The following ARHGAP5 variants were observed in gnomAD, a reference collection of about 807,000 sequenced individuals.
The protein encoded by ARHGAP5 is Rho GTPase activating protein 5.
A neutral mutation model predicts 116.6 loss-of-function variants in ARHGAP5; 23 were observed. The observed-to-expected ratio is 0.20, with a 90% CI of 0.14 to 0.28. The LOEUF is 0.28. Among genes scored for constraint, ARHGAP5 ranks in the 10% least tolerant of loss-of-function variants. The pLI is 1.00. For synonymous variants in ARHGAP5, 574 were observed against 602.0 expected (o/e 0.95, Z 0.68); for missense variants, 1,405 against 1,774.8 (o/e 0.79, Z 3.74).
At chr14:32,121,771 C>A (rs1203186752) in intron 3 of ARHGAP5, among the ~76,000 whole-genome samples, 2 of 152,298 alleles carry the variant, frequency 1.3e-5, no homozygotes, top group East Asian at 3.9e-4. Flanking sequence ...CTCTCACCCC[C>A]CCATCAACTT....
rs148897080 is a variant in ARHGAP5, at chr14:32,152,444, G to A, written c.4097G>A (p.Arg1366His). ...ACAGAAATCCCGGATAAAACAGAAC[G>A]TCTTCATGCCTTGAAAGAAATTGTT... ...EAAKIPDKTERLHALKEIVKK... is the reference protein window; with the variant it reads ...EAAKIPDKTEHLHALKEIVKK... Residue 1366 changes from arginine to histidine, a missense_variant, in exon 6 of 7, where the codon CGT becomes CAT. By Grantham distance (29) the Arg-to-His change is conservative. Coordinates refer to ENST00000345122, the MANE Select transcript of ARHGAP5 (RefSeq NM_001030055.2). 224 of 1,604,922 alleles carry A rather than the reference G, an allele frequency of 1.4e-4. No individual in the cohort carries two copies. The highest frequency in any genetic ancestry group is 1.8e-4 in the Non-Finnish European group (208 of 1,176,506).
At position 32,137,971 on chromosome 14, in the gene ARHGAP5, C is replaced by CAA. The variant is rs570604721; in HGVS notation, c.3866-8273_3866-8272dup. ...TGGGGACAAGAGTGAGGCTTCGTCT[C>CAA]AAAAAAAAAAAAAAAAAAAATTTCA... On this transcript the variant is annotated intron_variant, in intron 3 of 6. Coordinates refer to ENST00000345122, the MANE Select transcript of ARHGAP5 (RefSeq NM_001030055.2). 4.4e-3 allele frequency among the ~76,000 whole-genome samples: 345 copies of CAA among 79,236 alleles called. 2 individuals are homozygous for CAA. The highest frequency in any genetic ancestry group is 0.019 in the Middle Eastern group (3 of 154). The allele number at this position is 79,236 out of a possible 152,430, so 52.0% of individuals were successfully genotyped here. A position where few individuals can be genotyped will look rare whatever the true frequency, so the allele number is the denominator to read the frequency against.
chr14:32,129,045 G>A (rs925543125), intron 3 of ARHGAP5, among the ~76,000 whole-genome samples: 1 of 152,020 alleles, frequency 6.6e-6, no homozygotes, highest in African/African-American at 2.4e-5. Flanking sequence ...CTGCTTTATT[G>A]TCAGTATACC....
intron 3 of ARHGAP5, among the ~76,000 whole-genome samples, chr14:32,133,617 G>T (rs1019901082): frequency 6.6e-5 from 10 of 152,108 alleles, no homozygotes; most frequent in African/African-American, 2.2e-4. Context: ...TTCCAACTCC[G>T]TGTTGAATAG....
chr14:32,091,938 C>T lies in ARHGAP5; in HGVS notation c.1269C>T (p.Ser423=), dbSNP rs768144061. 3.0e-5 allele frequency: 48 copies of T among 1,613,248 alleles called. No homozygotes were observed. Among genetic ancestry groups the T allele is most frequent in the Middle Eastern group, 1.6e-4 (1 of 6,082 alleles). The change falls in exon 2 of 7, where the codon TCC becomes TCT. Residue 423 remains serine (S), a synonymous_variant. Transcript: ENST00000345122. ...AGAACCATGTACAGCATCTGATATCCGAGAAGAGGAGGGTGGAAATGAAGG... is the reference window on the plus strand; with the variant it reads ...AGAACCATGTACAGCATCTGATATCTGAGAAGAGGAGGGTGGAAATGAAGG... ...VYQNHVQHLI[S]EKRRVEMKEK...
At chr14:32,126,780 G>T (rs1001202436) in intron 3 of ARHGAP5, among the ~76,000 whole-genome samples, 5 of 151,920 alleles carry the variant, frequency 3.3e-5, no homozygotes, top group Admixed American at 2.6e-4. Context: ...TACATGGATT[G>T]ATTTTTCTTT....
intron 2 of ARHGAP5, among the ~76,000 whole-genome samples, chr14:32,113,523 C>G (rs532120258): frequency 6.6e-6 from 1 of 152,282 alleles, no homozygotes; most frequent in South Asian, 2.1e-4. Flanking sequence ...AGCTCTGAAT[C>G]TTGGTGTAAC....
intron 5 of ARHGAP5, among the ~76,000 whole-genome samples, chr14:32,151,616 T>C (rs1327865301): frequency 6.6e-6 from 1 of 152,250 alleles, no homozygotes; most frequent in Non-Finnish European, 1.5e-5. Flanking sequence ...TCAGAAGTTT[T>C]ATTGGAGTAT....
chr14:32,137,219 C>T (rs1184808904), intron 3 of ARHGAP5, among the ~76,000 whole-genome samples: 1 of 149,396 alleles, frequency 6.7e-6, no homozygotes, highest in Non-Finnish European at 1.5e-5. Flanking sequence ...TTTGCTCTTA[C>T]ATTTAGGTCT....
chr14:32,090,640 T>C lies in ARHGAP5; in HGVS notation c.-30T>C. The C allele has an allele frequency of 6.6e-7, 1 of 1,525,876 alleles. No homozygotes were observed. Among genetic ancestry groups the C allele is most frequent in the African/African-American group, 1.4e-5 (1 of 71,636 alleles). The allele number at this position is 1,525,876 out of a possible 1,614,324, so 94.5% of individuals were successfully genotyped here. ...GAATGAGAAGCATATCTGGTTACCT[T>C]TATGAATGTAGAGACATGAGAAGAG... On this transcript the variant is annotated 5_prime_UTR_variant, in exon 2 of 7. Coordinates refer to ENST00000345122, the MANE Select transcript of ARHGAP5 (RefSeq NM_001030055.2).
chr14:32,130,838 A>G (rs1566677444), intron 3 of ARHGAP5, among the ~76,000 whole-genome samples: 1 of 152,230 alleles, frequency 6.6e-6, no homozygotes, highest in African/African-American at 2.4e-5. Flanking sequence ...GCCTGTTTTC[A>G]TTTTCTCACA....
chr14:32,078,348 G>C (rs933702367), intron 1 of ARHGAP5: 1 of 152,178 alleles, frequency 6.6e-6, no homozygotes, highest in African/African-American at 2.4e-5. Context: ...AAAAGTTGTA[G>C]GGGAGACGCT....
At chr14:32,080,924 G>A (rs916841802) in intron 1 of ARHGAP5, among the ~76,000 whole-genome samples, 2 of 152,104 alleles carry the variant, frequency 1.3e-5, no homozygotes, top group Admixed American at 1.3e-4. Context: ...TTGTAATTTT[G>A]TGGTTAAAAT....
Position 32,145,091 on chromosome 14 carries a change from C to T in ARHGAP5, c.3866-1172C>T, listed in dbSNP as rs544023519. Among the ~76,000 whole-genome samples, 18 of 152,288 alleles carry T rather than the reference C, an allele frequency of 1.2e-4. No individual in the cohort carries two copies. In the East Asian group the frequency reaches 2.7e-3, roughly 23 times the overall value. On this transcript the variant is annotated intron_variant, in intron 3 of 6. Coordinates refer to ENST00000345122, the MANE Select transcript of ARHGAP5 (RefSeq NM_001030055.2). ...ATCTATTTAAGCAGGCCTCCTCTGACGTTGCACCAGCAGGGGAGGAGGGCT... is the reference window on the plus strand; with the variant it reads ...ATCTATTTAAGCAGGCCTCCTCTGATGTTGCACCAGCAGGGGAGGAGGGCT...
At chr14:32,147,979 C>A (rs557859199) in intron 4 of ARHGAP5, among the ~76,000 whole-genome samples, 1 of 152,076 alleles carries the variant, frequency 6.6e-6, no homozygotes, top group African/African-American at 2.4e-5. Flanking sequence ...ACAGTGAAAC[C>A]CCATCTGTAC....
At chr14:32,107,959 A>G (rs1194216696) in intron 2 of ARHGAP5, among the ~76,000 whole-genome samples, 1 of 152,212 alleles carries the variant, frequency 6.6e-6, no homozygotes, top group Admixed American at 6.5e-5. Context: ...GGTAGATGAA[A>G]CTGAAAGGAA....
intron 3 of ARHGAP5, among the ~76,000 whole-genome samples, chr14:32,143,931 G>A (rs1418451392): frequency 2.0e-5 from 3 of 152,170 alleles, no homozygotes; most frequent in Non-Finnish European, 4.4e-5. Flanking sequence ...GCCACTGCCT[G>A]TTAGATAGCC....
chr14:32,097,121 G>A (rs1878563627), intron 2 of ARHGAP5, among the ~76,000 whole-genome samples: 1 of 152,182 alleles, frequency 6.6e-6, no homozygotes, highest in Admixed American at 6.5e-5. Flanking sequence ...CTGACACTCA[G>A]TTTGCTAAGG....
chr14:32,119,301 A>T (rs994963268), intron 3 of ARHGAP5, among the ~76,000 whole-genome samples: 1 of 152,098 alleles, frequency 6.6e-6, no homozygotes, highest in Non-Finnish European at 1.5e-5. Context: ...AATATATTGC[A>T]GATACTCATT....
Sources: allele counts gnomAD v4.1 joint callset (sites outside exome capture counted in the v4.1 genomes callset), GRCh38; gene constraint gnomAD v4.1.1; transcripts MANE v1.5; gene names NCBI Gene and HGNC (gene_info 2026-07-23, HGNC 2026-07-21).